Variants in ANKRD12 observed in about 807,000 individuals in gnomAD.
The protein encoded by ANKRD12 is ankyrin repeat domain 12.
A neutral mutation model predicts 183.4 loss-of-function variants in ANKRD12; 85 were observed. That is an observed-to-expected ratio of 0.46 (90% CI 0.39 to 0.56). The LOEUF is 0.56. Among genes scored for constraint, ANKRD12 ranks in the 20% least tolerant of loss-of-function variants. The probability of loss-of-function intolerance (pLI) is 0.00; values close to 1 mark genes in which losing one functional copy is unlikely to be tolerated. For synonymous variants in ANKRD12, 914 were observed against 800.2 expected (o/e 1.14, Z -2.40); for missense variants, 2,405 against 2,357.1 (o/e 1.02, Z -0.42).
chr18:9,187,929 T>C (rs1458480628), intron 2 of ANKRD12, among the ~76,000 whole-genome samples: 1 of 152,234 alleles, frequency 6.6e-6, no homozygotes, highest in Non-Finnish European at 1.5e-5. Context: ...CTATTGAGAA[T>C]TTTTTCTTTT....
In ANKRD12 at chr18:9,275,547, A is replaced by G; in HGVS notation, c.5787A>G (p.Glu1929=). Residue 1929 remains glutamate (E), a synonymous_variant, in exon 11 of 13, where the codon GAA becomes GAG. Coordinates refer to ENST00000262126, the MANE Select transcript of ANKRD12 (RefSeq NM_015208.5). The part of the protein sequence containing the change: ...IEREKLIVSN[E]QEVLRVHYRA... ...AGGAAAAACTCATTGTATCCAACGAACAAGAAGTTTTGCGAGTTCATTACA... is the reference window on the plus strand; with the variant it reads ...AGGAAAAACTCATTGTATCCAACGAGCAAGAAGTTTTGCGAGTTCATTACA... 1 of 1,609,966 alleles carries G rather than the reference A, an allele frequency of 6.2e-7. No homozygotes were observed. Among genetic ancestry groups the G allele is most frequent in the South Asian group, 1.1e-5 (1 of 90,488 alleles).
In ANKRD12 at chr18:9,281,362, G is replaced by GTGGGAGAAAAA. The variant is rs2040100130; in HGVS notation, c.*236_*237insTGGGAGAAAAA. The GTGGGAGAAAAA allele has an allele frequency of 2.9e-6, 1 of 339,908 alleles. No homozygotes were observed. The highest frequency in any genetic ancestry group is 2.1e-5 in the African/African-American group (1 of 46,536). The allele number at this position is 339,908 out of a possible 1,614,324, so 21.1% of individuals were successfully genotyped here. On this transcript the variant is annotated 3_prime_UTR_variant, in exon 13 of 13. Coordinates refer to ENST00000262126, the MANE Select transcript of ANKRD12 (RefSeq NM_015208.5). ...ATTTATATTGGGAAAGGTAACTATTGCATTAGAGCATGTTGGCAGACTGGT... is the reference window on the plus strand; with the variant it reads ...ATTTATATTGGGAAAGGTAACTATTGTGGGAGAAAAACATTAGAGCATGTTGGCAGACTGGT...
At chr18:9,245,178 G>A (rs1278815076) in intron 8 of ANKRD12, among the ~76,000 whole-genome samples, 1 of 151,884 alleles carries the variant, frequency 6.6e-6, no homozygotes, top group South Asian at 2.1e-4. Context: ...GGCCAGATGT[G>A]GTGGCTCACA....
At chr18:9,260,997 T>G (rs1366566157) in intron 9 of ANKRD12, among the ~76,000 whole-genome samples, 1 of 152,166 alleles carries the variant, frequency 6.6e-6, no homozygotes, top group Non-Finnish European at 1.5e-5. Context: ...CACCCTCCCG[T>G]TCTCACACTA....
Position 9,255,523 on chromosome 18 carries a change from C to T in ANKRD12, c.2256C>T (p.Asp752=), listed in dbSNP as rs1181564183. 5 of 1,569,808 alleles carry T rather than the reference C, an allele frequency of 3.2e-6. No homozygotes were observed. The highest frequency in any genetic ancestry group is 4.3e-6 in the Non-Finnish European group (5 of 1,166,244). The change falls in exon 9 of 13, where the codon GAC becomes GAT. Residue 752 remains aspartate (D), a synonymous_variant. Transcript: ENST00000262126. The stretch of plus-strand genomic sequence containing the variant: ...AGAGGAACTTTAAAGAGGAACGAGA[C>T]AAGATTAAAAAGGAAAGCGAGAAAT... ...SKERNFKEER[D]KIKKESEKSF...
chr18:9,221,177 A>T (rs1253550056), intron 7 of ANKRD12, among the ~76,000 whole-genome samples: 1 of 152,210 alleles, frequency 6.6e-6, no homozygotes, highest in Non-Finnish European at 1.5e-5. Flanking sequence ...AAGGAAGAGG[A>T]TATGAAGAAA....
chr18:9,185,570 A>AT (rs2033992785), intron 2 of ANKRD12, among the ~76,000 whole-genome samples: 1 of 152,234 alleles, frequency 6.6e-6, no homozygotes, highest in Non-Finnish European at 1.5e-5. Flanking sequence ...TTTAGTAGGC[A>AT]GTTGCATATG....
intron 1 of ANKRD12, among the ~76,000 whole-genome samples, chr18:9,166,934 T>C (rs183595952): frequency 1.3e-3 from 196 of 152,350 alleles, no homozygotes; most frequent in African/African-American, 4.5e-3. Context: ...TTCCTACATA[T>C]GGCTAGCCAG....
chr18:9,189,727 A>G (rs943288567), intron 2 of ANKRD12, among the ~76,000 whole-genome samples: 1 of 152,238 alleles, frequency 6.6e-6, no homozygotes, highest in African/African-American at 2.4e-5. Flanking sequence ...ACATCTGTTC[A>G]CAGCATGGTT....
In ANKRD12 at chr18:9,211,587, C is replaced by G. The variant is rs1015178827; in HGVS notation, c.455C>G (p.Ser152Cys). 1 of 1,613,480 alleles carries G rather than the reference C, an allele frequency of 6.2e-7. No homozygotes were observed. The highest frequency in any genetic ancestry group is 8.5e-7 in the Non-Finnish European group (1 of 1,179,652). ...QMTARDNSPD[S>C]TPNHPSQTTP... ...CTAACTTTCTTCTTTCTTACAGATT[C>G]CACACCAAATCATCCATCACAAACA... is the stretch of plus-strand genomic sequence containing the variant. Residue 152 changes from serine to cysteine, a missense_variant, in exon 6 of 13, where the codon TCC becomes TGC. By Grantham distance (112) the Ser-to-Cys change is moderately radical. Coordinates refer to ENST00000262126, the MANE Select transcript of ANKRD12 (RefSeq NM_015208.5).
intron 8 of ANKRD12, among the ~76,000 whole-genome samples, chr18:9,222,987 A>T (rs1487838786): frequency 6.6e-6 from 1 of 152,262 alleles, no homozygotes; most frequent in Non-Finnish European, 1.5e-5. Context: ...ATGATTAAAT[A>T]ACTGTGGTAA....
chr18:9,175,192 C>G (rs576869118), intron 1 of ANKRD12, among the ~76,000 whole-genome samples: 1 of 152,276 alleles, frequency 6.6e-6, no homozygotes, highest in South Asian at 2.1e-4. Flanking sequence ...CTGCCAGACT[C>G]TAAAGTGATC....
At chr18:9,170,421 C>A (rs1173910885) in intron 1 of ANKRD12, among the ~76,000 whole-genome samples, 1 of 152,086 alleles carries the variant, frequency 6.6e-6, no homozygotes, top group African/African-American at 2.4e-5. Flanking sequence ...TCTTTTTATT[C>A]TTTTTTCTCT....
chr18:9,164,022 T>C (rs900417887), intron 1 of ANKRD12, among the ~76,000 whole-genome samples: 2 of 152,184 alleles, frequency 1.3e-5, no homozygotes, highest in East Asian at 3.8e-4. Flanking sequence ...CCTTTATTTC[T>C]TTCTCTTGCC....
intron 1 of ANKRD12, among the ~76,000 whole-genome samples, chr18:9,168,525 C>G (rs1190993770): frequency 6.6e-6 from 1 of 152,126 alleles, no homozygotes; most frequent in Non-Finnish European, 1.5e-5. Flanking sequence ...TTATAGTATT[C>G]TCTGATAGTA....
At chr18:9,151,877 A>T (rs1180484180) in intron 1 of ANKRD12, among the ~76,000 whole-genome samples, 1 of 152,182 alleles carries the variant, frequency 6.6e-6, no homozygotes, top group African/African-American at 2.4e-5. Context: ...TACTTCTCAT[A>T]GCCTTTTTAT....
chr18:9,222,687 A>T (rs1398798019), intron 8 of ANKRD12, among the ~76,000 whole-genome samples: 1 of 152,142 alleles, frequency 6.6e-6, no homozygotes, highest in Non-Finnish European at 1.5e-5. Flanking sequence ...CACATGAGGG[A>T]ATAAAAACCA....
intron 2 of ANKRD12, among the ~76,000 whole-genome samples, chr18:9,193,511 T>G (rs192837971): frequency 1.6e-4 from 24 of 151,382 alleles, no homozygotes; most frequent in African/African-American, 3.1e-4. Flanking sequence ...ATCTCAGTGG[T>G]TTTTTTTTGT....
intron 8 of ANKRD12, among the ~76,000 whole-genome samples, chr18:9,233,666 A>G (rs1029796252): frequency 2.0e-5 from 3 of 152,120 alleles, no homozygotes; most frequent in Admixed American, 6.5e-5. Context: ...TGTAATGTGT[A>G]TGATTTCTTT....
Sources: gnomAD v4.1 joint callset for allele counts (sites outside exome capture counted in the v4.1 genomes callset) on GRCh38, gnomAD v4.1.1 for gene constraint, MANE v1.5 for transcripts, NCBI Gene and HGNC (gene_info 2026-07-23, HGNC 2026-07-21) for gene names.